C7orf33: variants seen among roughly 807,000 people sequenced by gnomAD.
The protein encoded by C7orf33 is uncharacterized protein C7orf33.
Under a neutral mutation model 13.4 loss-of-function variants are expected in C7orf33, and 15 were observed. The ratio of observed to expected loss-of-function variants is 1.12; its 90% CI spans 0.75 to 1.72. The LOEUF (loss-of-function observed/expected upper bound fraction) is 1.72, where lower values mean the gene tolerates loss of function less well. Ranked by LOEUF, C7orf33 falls within the 40% of genes most tolerant of loss-of-function variation. The pLI is 0.00. For missense variants in C7orf33, 187 were observed against 220.3 expected, an observed-to-expected ratio of 0.85 and a Z score of 0.96; for synonymous variants, 73 against 83.2, an observed-to-expected ratio of 0.88 and a Z score of 0.67.
chr7:148,591,041 G>A lies in C7orf33; in HGVS notation c.116G>A (p.Arg39His), dbSNP rs1323963341. Residue 39 changes from arginine (R) to histidine (H), a missense_variant, in exon 1 of 3, where the codon CGC becomes CAC. Transcript: ENST00000307003. ...PSGARRRIDL[R>H]LSGRAVAVWV... Reference sequence around the variant, plus strand: ...GGGGCAAGGCGCCGGATTGACCTTCGCCTGAGTGGGAGGGCAGTCGCTGTT... The same window carrying A: ...GGGGCAAGGCGCCGGATTGACCTTCACCTGAGTGGGAGGGCAGTCGCTGTT... 9.3e-6 allele frequency: 15 copies of A among 1,614,124 alleles called. No individual in the cohort carries two copies. The highest frequency in any genetic ancestry group is 2.7e-5 in the African/African-American group (2 of 75,046).
chr7:148,591,915 C>G (rs1258381639), intron 1 of C7orf33, among the ~76,000 whole-genome samples: 1 of 152,158 alleles, frequency 6.6e-6, no homozygotes, highest in Non-Finnish European at 1.5e-5. Context: ...ACCTCCTGAT[C>G]CCCAAGCCCC....
At chr7:148,612,425 C>G (rs137973110) in intron 1 of C7orf33, among the ~76,000 whole-genome samples, 1 of 152,242 alleles carries the variant, frequency 6.6e-6, no homozygotes, top group East Asian at 1.9e-4. Flanking sequence ...AAATTAAAAT[C>G]TTTTATGCTA....
intron 1 of C7orf33, among the ~76,000 whole-genome samples, chr7:148,599,739 C>T (rs183313406): frequency 5.9e-4 from 90 of 152,254 alleles, no homozygotes; most frequent in Non-Finnish European, 1.1e-3. Flanking sequence ...TCCCAAAGTG[C>T]TGGGATTACA....
At chr7:148,605,333 G>A (rs1337191555) in intron 1 of C7orf33, among the ~76,000 whole-genome samples, 1 of 152,192 alleles carries the variant, frequency 6.6e-6, no homozygotes, top group African/African-American at 2.4e-5. Flanking sequence ...AGCCATTGGT[G>A]TCTCAGCTCC....
intron 1 of C7orf33, among the ~76,000 whole-genome samples, chr7:148,595,302 TATATA>T (rs1048881690): frequency 2.9e-5 from 4 of 140,180 alleles, no homozygotes; most frequent in Non-Finnish European, 6.1e-5. Context: ...ATTATATAGA[TATATA>T]ATATATAATA....
intron 1 of C7orf33, among the ~76,000 whole-genome samples, chr7:148,594,196 A>G (rs1796302203): frequency 7.1e-6 from 1 of 139,908 alleles, no homozygotes; most frequent in Non-Finnish European, 1.5e-5. Flanking sequence ...TTTTTCTGAG[A>G]CAGAGTCTTC....
chr7:148,596,915 C>T (rs1043627748), intron 1 of C7orf33, among the ~76,000 whole-genome samples: 2 of 152,268 alleles, frequency 1.3e-5, no homozygotes, highest in Middle Eastern at 3.4e-3. Flanking sequence ...TCCTACAGTC[C>T]GTGGCCTTTT....
chr7:148,604,184 C>G (rs895182502), intron 1 of C7orf33, among the ~76,000 whole-genome samples: 3 of 150,302 alleles, frequency 2.0e-5, no homozygotes, highest in African/African-American at 7.4e-5. Context: ...TGGAGTGCAG[C>G]GGCACAATCT....
At chr7:148,611,082 A>G (rs1796532146) in intron 1 of C7orf33, among the ~76,000 whole-genome samples, 1 of 152,146 alleles carries the variant, frequency 6.6e-6, no homozygotes, top group African/African-American at 2.4e-5. Context: ...GCTCCTTGCC[A>G]GACTGTAGGT....
intron 1 of C7orf33, among the ~76,000 whole-genome samples, chr7:148,598,821 G>A (rs1796381339): frequency 8.0e-6 from 1 of 125,362 alleles, no homozygotes; most frequent in African/African-American, 2.9e-5. Flanking sequence ...GAGAGAATGA[G>A]AATATATCCA....
intron 2 of C7orf33, 97 bp from the exon 3 acceptor site, chr7:148,615,230 T>C: frequency 1.2e-6 from 1 of 834,600 alleles, no homozygotes; most frequent in East Asian, 2.7e-5. Context: ...TGAGCCACCA[T>C]GCCAGGCTGA....
chr7:148,607,567 A>G (rs1486452213), intron 1 of C7orf33, among the ~76,000 whole-genome samples: 1 of 152,218 alleles, frequency 6.6e-6, no homozygotes, highest in African/African-American at 2.4e-5. Context: ...ACAGGACTTC[A>G]GAAAAAGAAC....
At position 148,614,262 on chromosome 7, in the gene C7orf33, A is replaced by G; in HGVS notation, c.425A>G (p.Lys142Arg). ...CTAGATCTGCTAACTCTCTCTTACA[A>G]GCCTGGGAGGACAGTGACAAGTTCA... ...SYLDLLTLSY[K>R]PGRTVTSSYL... The change falls in exon 2 of 3, where the codon AAG becomes AGG. Residue 142 changes from lysine (K) to arginine (R), a missense_variant. By Grantham distance (26) the Lys-to-Arg change is conservative. Transcript: ENST00000307003. The G allele has an allele frequency of 6.2e-7, 1 of 1,614,174 alleles. No individual in the cohort carries two copies. Among genetic ancestry groups the G allele is most frequent in the Non-Finnish European group, 8.5e-7 (1 of 1,180,022 alleles).
intron 1 of C7orf33, among the ~76,000 whole-genome samples, chr7:148,610,628 A>G (rs1461828277): frequency 6.6e-6 from 1 of 152,110 alleles, no homozygotes; most frequent in Non-Finnish European, 1.5e-5. Context: ...GAACCCTAAT[A>G]CAACTTCCGA....
chr7:148,601,782 CT>C (rs1171584188), intron 1 of C7orf33, among the ~76,000 whole-genome samples: 2 of 152,110 alleles, frequency 1.3e-5, no homozygotes, highest in African/African-American at 4.8e-5. Flanking sequence ...CGGTCTTGCT[CT>C]GTTGCTCAGG....
Position 148,615,691 on chromosome 7 carries a change from T to TGTAG in C7orf33, c.*290_*291insGTAG. 3.1e-6 allele frequency: 1 copy of TGTAG among 324,162 alleles called. No homozygotes were observed. The highest frequency in any genetic ancestry group is 6.3e-5 in the East Asian group (1 of 15,856). 20.1% of individuals were successfully genotyped at this position (324,162 alleles called of 1,614,324 possible). A position where few individuals can be genotyped will look rare whatever the true frequency, so the allele number is the denominator to read the frequency against. Reference sequence around the variant, plus strand: ...ACCAGGTTCTAAAGGGAGACGAAGATCCCCAGAGGACCTGGATAGAGATGT... The same window carrying TGTAG: ...ACCAGGTTCTAAAGGGAGACGAAGATGTAGCCCCAGAGGACCTGGATAGAGATGT... On this transcript the variant is annotated 3_prime_UTR_variant, in exon 3 of 3. Coordinates refer to ENST00000307003, the MANE Select transcript of C7orf33 (RefSeq NM_145304.4).
chr7:148,611,510 G>A (rs969460925), intron 1 of C7orf33, among the ~76,000 whole-genome samples: 1 of 152,178 alleles, frequency 6.6e-6, no homozygotes, highest in Non-Finnish European at 1.5e-5. Flanking sequence ...CAACTCCAGG[G>A]AAAGATTATT....
At chr7:148,607,771 C>T (rs62507018) in intron 1 of C7orf33, among the ~76,000 whole-genome samples, 1 of 152,276 alleles carries the variant, frequency 6.6e-6, no homozygotes, top group South Asian at 2.1e-4. Context: ...CACAAGAAAG[C>T]GTATCGGGTT....
chr7:148,598,805 GA>G, intron 1 of C7orf33, among the ~76,000 whole-genome samples: 9 of 131,902 alleles, frequency 6.8e-5, no homozygotes, highest in African/African-American at 2.7e-4. Flanking sequence ...GAGAGAGAGA[GA>G]GAGAGAGAGA....
Sources: allele counts gnomAD v4.1 joint callset (sites outside exome capture counted in the v4.1 genomes callset), GRCh38; gene constraint gnomAD v4.1.1; transcripts MANE v1.5; gene names NCBI Gene and HGNC (gene_info 2026-07-23, HGNC 2026-07-21).